Variants in ENPEP observed in about 807,000 individuals in gnomAD.
The protein encoded by ENPEP is glutamyl aminopeptidase.
ENPEP carries 103 observed loss-of-function variants against 114.5 expected under a neutral mutation model. The observed-to-expected ratio is 0.90, with a 90% CI of 0.77 to 1.06. The LOEUF (loss-of-function observed/expected upper bound fraction) is 1.06. Ranked by LOEUF, ENPEP falls within the 50% of genes least tolerant of loss-of-function variation. The probability of loss-of-function intolerance (pLI) is 0.00; values close to 1 mark genes in which losing one functional copy is unlikely to be tolerated. For missense variants in ENPEP, 1,196 were observed against 1,161.3 expected (o/e 1.03, Z -0.43); for synonymous variants, 420 against 422.0 (o/e 1.00, Z 0.06).
intron 13 of ENPEP, among the ~76,000 whole-genome samples, chr4:110,543,560 T>C (rs534441520): frequency 2.0e-5 from 3 of 152,080 alleles, no homozygotes; most frequent in African/African-American, 7.2e-5. Context: ...TTTGGAAAAT[T>C]TGACTCTTTT....
chr4:110,477,199 TCTG>T, intron 1 of ENPEP, 141 bp downstream of exon 1: 2 of 1,198,340 alleles, frequency 1.7e-6, no homozygotes, highest in South Asian at 1.6e-5. Context: ...TGGCTGTCCA[TCTG>T]GGAAGCCAAA....
intron 10 of ENPEP, among the ~76,000 whole-genome samples, chr4:110,523,647 A>G (rs1726089446): frequency 6.6e-6 from 1 of 152,212 alleles, no homozygotes; most frequent in Non-Finnish European, 1.5e-5. Context: ...TAATCAGCCA[A>G]TGGAAAATGT....
Position 110,488,911 on chromosome 4 carries a change from A to G in ENPEP, c.786+229A>G, listed in dbSNP as rs577444146. 1.9e-4 allele frequency among the ~76,000 whole-genome samples: 29 copies of G among 152,306 alleles called. No individual in the cohort carries two copies. In the South Asian group the frequency reaches 5.2e-3, roughly 27 times the overall value. On this transcript the variant is annotated intron_variant, in intron 2 of 19. Coordinates refer to ENST00000265162, the MANE Select transcript of ENPEP (RefSeq NM_001977.4). ...CCAGATTGGTGTTTCTGTGCAAGAG[A>G]CAATGCCATAGACACACACATCAGC... is the stretch of plus-strand genomic sequence containing the variant.
intron 3 of ENPEP, among the ~76,000 whole-genome samples, chr4:110,492,518 C>T (rs111820126): frequency 9.3e-4 from 142 of 152,250 alleles, no homozygotes; most frequent in African/African-American, 3.3e-3. Flanking sequence ...CTGCCTATAC[C>T]GTATACAAAT....
At position 110,488,539 on chromosome 4, in the gene ENPEP, A is replaced by G. The variant is rs1724586017; in HGVS notation, c.645-2A>G. 1 of 1,607,284 alleles carries G rather than the reference A, an allele frequency of 6.2e-7. No individual in the cohort carries two copies. The stretch of plus-strand genomic sequence containing the variant: ...TCGTTTGTTTGTTTGTTTGTTTCTA[A>G]GGAGCATAGTGGCCACCGATCATGA... On this transcript the variant is annotated splice_acceptor_variant, in intron 1 of 19. Coordinates refer to ENST00000265162, the MANE Select transcript of ENPEP (RefSeq NM_001977.4). LOFTEE classifies it high-confidence loss of function.
intron 11 of ENPEP, among the ~76,000 whole-genome samples, chr4:110,542,268 A>C (rs1726877385): frequency 1.3e-5 from 2 of 152,106 alleles, no homozygotes; most frequent in Admixed American, 6.6e-5. Flanking sequence ...CATTTCCATC[A>C]ACTTCAATGT....
At chr4:110,521,239 T>G (rs1389645458) in intron 10 of ENPEP, among the ~76,000 whole-genome samples, 1 of 152,072 alleles carries the variant, frequency 6.6e-6, no homozygotes, top group African/African-American at 2.4e-5. Flanking sequence ...GTATGGTAGT[T>G]CATGCTTGTA....
chr4:110,508,068 A>C (rs1725434486), intron 4 of ENPEP, among the ~76,000 whole-genome samples: 1 of 152,144 alleles, frequency 6.6e-6, no homozygotes, highest in Non-Finnish European at 1.5e-5. Context: ...TAACCTGAGA[A>C]GTGGAAATCT....
At chr4:110,531,127 A>T in intron 10 of ENPEP, 71 bp from the exon 11 acceptor site, 1 of 951,994 alleles carries the variant, frequency 1.1e-6, no homozygotes, top group Non-Finnish European at 1.5e-6. Flanking sequence ...ATTGCTTTTT[A>T]GTGATTTTTA....
At position 110,562,320 on chromosome 4, in the gene ENPEP, T is replaced by G. The variant is rs1413232410; in HGVS notation, c.*762T>G. 1 of 152,200 alleles carries G rather than the reference T, an allele frequency of 6.6e-6. No individual in the cohort carries two copies. Among genetic ancestry groups the G allele is most frequent in the African/African-American group, 2.4e-5 (1 of 41,454 alleles). The allele number at this position is 152,200 out of a possible 1,614,324, so 9.4% of individuals were successfully genotyped here. A position where few individuals can be genotyped will look rare whatever the true frequency, so the allele number is the denominator to read the frequency against. On this transcript the variant is annotated 3_prime_UTR_variant, in exon 20 of 20. Coordinates refer to ENST00000265162, the MANE Select transcript of ENPEP (RefSeq NM_001977.4). ...TTCAAGAATCTGGCCTTTTTCATGC[T>G]TGGTACTCTCTTCTCTTGCTCCATT...
chr4:110,488,736 G>C, intron 2 of ENPEP, 54 bp downstream of exon 2: 1 of 1,545,228 alleles, frequency 6.5e-7, no homozygotes, highest in East Asian at 2.3e-5. Flanking sequence ...ACAACATTAG[G>C]CCAGTTACCT....
intron 19 of ENPEP, 42 bp from the exon 20 acceptor site, chr4:110,561,363 TG>T (rs1448818564): frequency 1.1e-5 from 17 of 1,589,522 alleles, no homozygotes; most frequent in Non-Finnish European, 1.4e-5. Flanking sequence ...AAGACTAATT[TG>T]GCTATAAATG....
intron 18 of ENPEP, 47 bp downstream of exon 18, chr4:110,553,502 T>TATA: frequency 6.5e-7 from 1 of 1,546,704 alleles, no homozygotes; most frequent in Non-Finnish European, 8.8e-7. Context: ...TTTCATACTA[T>TATA]CTACTGGTTC....
chr4:110,478,440 A>G (rs528188980), intron 1 of ENPEP, among the ~76,000 whole-genome samples: 1 of 3,200 alleles, frequency 3.1e-4, no homozygotes, highest in South Asian at 3.9e-3. Flanking sequence ...ATAATCTGTA[A>G]AATAATTTCA....
intron 1 of ENPEP, among the ~76,000 whole-genome samples, chr4:110,483,517 A>G (rs1724392102): frequency 6.6e-6 from 1 of 151,994 alleles, no homozygotes; most frequent in African/African-American, 2.4e-5. Flanking sequence ...AACTTGTGCC[A>G]TCGCCCCTTC....
intron 11 of ENPEP, among the ~76,000 whole-genome samples, chr4:110,538,558 A>G (rs1440864412): frequency 6.6e-6 from 1 of 152,170 alleles, no homozygotes. Context: ...CATATCAGCA[A>G]TACAGATGTT....
At chr4:110,502,887 T>C (rs1440782335) in intron 3 of ENPEP, among the ~76,000 whole-genome samples, 1 of 152,206 alleles carries the variant, frequency 6.6e-6, no homozygotes, top group African/African-American at 2.4e-5. Context: ...ATATTGATTC[T>C]TCTTATTCGA....
intron 10 of ENPEP, among the ~76,000 whole-genome samples, chr4:110,523,733 A>C (rs1028320326): frequency 6.6e-6 from 1 of 152,166 alleles, no homozygotes; most frequent in Non-Finnish European, 1.5e-5. Flanking sequence ...ATCAACTGAC[A>C]AAAAAAGGAC....
At chr4:110,523,885 G>T (rs940550335) in intron 10 of ENPEP, among the ~76,000 whole-genome samples, 2 of 152,104 alleles carry the variant, frequency 1.3e-5, no homozygotes, top group Admixed American at 6.6e-5. Flanking sequence ...GGAGTATTAC[G>T]TGGAAATGAG....
Sources: allele counts gnomAD v4.1 joint callset (sites outside exome capture counted in the v4.1 genomes callset), GRCh38; gene constraint gnomAD v4.1.1; transcripts MANE v1.5; gene names NCBI Gene and HGNC (gene_info 2026-07-23, HGNC 2026-07-21).